The following SPRY3 variants were observed in gnomAD, a reference collection of about 807,000 sequenced individuals.
SPRY3 encodes the protein protein sprouty homolog 3.
In SPRY3, 15 loss-of-function variants were observed where a neutral mutation model predicts 20.2. The observed-to-expected ratio is 0.74, with a 90% CI of 0.50 to 1.14. SPRY3 has a LOEUF of 1.14. SPRY3 is among the 50% of genes most tolerant of loss of function. The pLI is 0.00. For missense variants in SPRY3, 364 were observed against 363.9 expected (o/e 1.00, Z 0.00); for synonymous variants, 143 against 136.5 (o/e 1.05, Z -0.33).
chrX:155,700,470 C>T, intron 2 of SPRY3, among the ~76,000 whole-genome samples: 1 of 107,487 alleles, frequency 9.3e-6, no homozygotes, highest in Non-Finnish European at 1.9e-5. Flanking sequence ...CAAAAAAATA[C>T]TTGTACACCA....
chrX:155,735,840 A>G (rs1338376014), intron 2 of SPRY3, among the ~76,000 whole-genome samples: 2 of 151,626 alleles, frequency 1.3e-5, no homozygotes, highest in South Asian at 2.1e-4. Context: ...ATTAATATGT[A>G]CCTTTTTATA....
intron 2 of SPRY3, among the ~76,000 whole-genome samples, chrX:155,755,907 C>G (rs1441120443): frequency 1.3e-5 from 2 of 151,668 alleles, no homozygotes; most frequent in African/African-American, 4.8e-5. Context: ...GGAGGAGAAA[C>G]CAAAGAGGCC....
At chrX:155,780,967 C>G, downstream of SPRY3, 1 of 166,260 alleles carries the variant, frequency 6.0e-6, no homozygotes, top group East Asian at 1.9e-4. Context: ...TTCAGTTGTA[C>G]CCTTTAACTC....
intron 2 of SPRY3, among the ~76,000 whole-genome samples, chrX:155,662,654 C>A (rs2068013320): frequency 1.1e-5 from 1 of 91,878 alleles, no homozygotes; most frequent in Non-Finnish European, 2.1e-5. Flanking sequence ...TCTAAAAGAC[C>A]TGCTTGCCAT....
chrX:155,676,128 C>T (rs1045733110), intron 2 of SPRY3, among the ~76,000 whole-genome samples: 5 of 110,668 alleles, frequency 4.5e-5, no homozygotes, highest in African/African-American at 1.6e-4. Context: ...CTCTCATTCT[C>T]CATGAGTCTT....
At chrX:155,781,420 T>C (rs2091462560), downstream of SPRY3, 1 of 166,960 alleles carries the variant, frequency 6.0e-6, no homozygotes, top group Non-Finnish European at 1.5e-5. Context: ...ATGATTATAA[T>C]ATGCAAACAG....
chrX:155,724,780 TTCC>T (rs2091086117), intron 2 of SPRY3, among the ~76,000 whole-genome samples: 1 of 152,172 alleles, frequency 6.6e-6, no homozygotes, highest in South Asian at 2.1e-4. Context: ...ACAATTTGAC[TTCC>T]TCTTTTTCTA....
intron 2 of SPRY3, among the ~76,000 whole-genome samples, chrX:155,710,645 TC>T (rs2090980029): frequency 6.6e-6 from 1 of 151,462 alleles, no homozygotes; most frequent in African/African-American, 2.4e-5. Context: ...AATTTGGAGG[TC>T]CTTTATTTCT....
intron 2 of SPRY3, among the ~76,000 whole-genome samples, chrX:155,661,533 T>C (rs782622735): frequency 8.9e-5 from 10 of 111,805 alleles, no homozygotes; most frequent in Non-Finnish European, 1.9e-4. Context: ...GTAGTCTGTC[T>C]TCCAGGAATT....
At chrX:155,717,758 G>C (rs758275672) in intron 2 of SPRY3, among the ~76,000 whole-genome samples, 1 of 152,084 alleles carries the variant, frequency 6.6e-6, no homozygotes, top group Admixed American at 6.5e-5. Flanking sequence ...ATGGCTGCAG[G>C]GTATTCCATG....
chrX:155,666,126 G>A (rs1447603218), intron 2 of SPRY3, among the ~76,000 whole-genome samples: 1 of 111,053 alleles, frequency 9.0e-6, no homozygotes, highest in Non-Finnish European at 1.9e-5. Context: ...AAGGCTCTGA[G>A]GTATGAACAT....
At chrX:155,767,915 T>C (rs1040125443) in intron 2 of SPRY3, 47 bp from the exon 2 acceptor site, 3 of 125,368 alleles carry the variant, frequency 2.4e-5, no homozygotes, top group Non-Finnish European at 5.6e-5. Flanking sequence ...TTTTGTTTTG[T>C]TTTGTTTTGT....
At chrX:155,724,967 G>A (rs1369425572) in intron 2 of SPRY3, among the ~76,000 whole-genome samples, 5 of 152,164 alleles carry the variant, frequency 3.3e-5, no homozygotes, top group Non-Finnish European at 7.4e-5. Context: ...GTCATAAACA[G>A]CTCTTATTAT....
chrX:155,722,242 G>A (rs1279003295), intron 2 of SPRY3, among the ~76,000 whole-genome samples: 3 of 152,054 alleles, frequency 2.0e-5, no homozygotes, highest in African/African-American at 4.8e-5. Context: ...TAAAAGCATG[G>A]CCAGGCACAG....
chrX:155,729,299 T>C (rs763955866), intron 2 of SPRY3, among the ~76,000 whole-genome samples: 34 of 152,230 alleles, frequency 2.2e-4, no homozygotes, highest in Admixed American at 6.5e-4. Flanking sequence ...CTAAGATAGA[T>C]TATATTTTGG....
Position 155,769,100 on chromosome X carries a change from T to TGAAATATTG in SPRY3, c.-107+966_-107+974dup, listed in dbSNP as rs1439726507. ...GCACAGGCTAGCCGTTTATCCACAATGAAATATTGGTCTTGCTCTCCTTGC... is the reference window on the plus strand; with the variant it reads ...GCACAGGCTAGCCGTTTATCCACAATGAAATATTGGAAATATTGGTCTTGCTCTCCTTGC... On this transcript the variant is annotated intron_variant, in intron 3 of 3. Transcript: ENST00000675360. Among the ~76,000 whole-genome samples the TGAAATATTG allele has an allele frequency of 9.8e-5, 15 of 152,324 alleles. 1 individual carries two copies. The East Asian group carries it at 2.5e-3, about 25-fold the overall frequency.
At chrX:155,748,255 G>A (rs757465629) in intron 2 of SPRY3, among the ~76,000 whole-genome samples, 1 of 151,964 alleles carries the variant, frequency 6.6e-6, no homozygotes, top group South Asian at 2.1e-4. Flanking sequence ...AGATAGTATC[G>A]ATGAAAACAA....
chrX:155,740,476 G>T (rs1468250754), intron 2 of SPRY3, among the ~76,000 whole-genome samples: 1 of 152,100 alleles, frequency 6.6e-6, no homozygotes, highest in East Asian at 1.9e-4. Context: ...CCCTGGGAAA[G>T]GAATGCATTC....
intron 2 of SPRY3, among the ~76,000 whole-genome samples, chrX:155,758,752 G>C (rs1322643916): frequency 2.0e-5 from 3 of 152,152 alleles, no homozygotes; most frequent in African/African-American, 4.8e-5. Context: ...AGTTATAAGA[G>C]AGAATTGATT....
Sources: allele counts gnomAD v4.1 joint callset (sites outside exome capture counted in the v4.1 genomes callset), GRCh38; gene constraint gnomAD v4.1.1; transcripts MANE v1.5; gene names NCBI Gene and HGNC (gene_info 2026-07-23, HGNC 2026-07-21).